Variants in SLC8A1 observed in about 807,000 individuals in gnomAD.
The protein encoded by SLC8A1 is sodium/calcium exchanger 1.
Under a neutral mutation model 68.3 loss-of-function variants are expected in SLC8A1, and 18 were observed. The ratio of observed to expected loss-of-function variants is 0.26; its 90% CI spans 0.18 to 0.39. SLC8A1 has a LOEUF of 0.39. Ranked by LOEUF, SLC8A1 falls within the 10% of genes least tolerant of loss-of-function variation. The pLI is 1.00. For synonymous variants in SLC8A1, 475 were observed against 415.5 expected, an observed-to-expected ratio of 1.14 and a Z score of -1.74; for missense variants, 985 against 1,156.7, an observed-to-expected ratio of 0.85 and a Z score of 2.15.
chr2:40,402,042 G>T (rs1367786400), intron 2 of SLC8A1, among the ~76,000 whole-genome samples: 1 of 152,182 alleles, frequency 6.6e-6, no homozygotes, highest in Non-Finnish European at 1.5e-5. Flanking sequence ...GAGACCTACA[G>T]AGCTGCATTC....
intron 2 of SLC8A1, among the ~76,000 whole-genome samples, chr2:40,375,833 C>G (rs1360505292): frequency 6.6e-6 from 1 of 151,946 alleles, no homozygotes; most frequent in Non-Finnish European, 1.5e-5. Context: ...GGAAACCCTG[C>G]CTCTATAAAA....
chr2:40,188,672 G>C (rs2051167975), intron 2 of SLC8A1, among the ~76,000 whole-genome samples: 1 of 152,184 alleles, frequency 6.6e-6, no homozygotes, highest in Non-Finnish European at 1.5e-5. Flanking sequence ...ACAGCAGCTA[G>C]AATATGCTGA....
intron 2 of SLC8A1, among the ~76,000 whole-genome samples, chr2:40,184,582 T>C (rs1231634802): frequency 1.3e-5 from 2 of 152,156 alleles, no homozygotes; most frequent in Non-Finnish European, 2.9e-5. Context: ...CGATACGTTT[T>C]TACACAACAG....
intron 7 of SLC8A1, 99 bp downstream of exon 10, chr2:40,139,302 G>C: frequency 7.4e-7 from 1 of 1,346,484 alleles, no homozygotes; most frequent in Non-Finnish European, 1.0e-6. Context: ...CATAGGTCTT[G>C]GTTTGTTATC....
At chr2:40,140,805 A>T (rs559055737) in intron 6 of SLC8A1, among the ~76,000 whole-genome samples, 1 of 149,874 alleles carries the variant, frequency 6.7e-6, no homozygotes, top group African/African-American at 2.5e-5. Flanking sequence ...AGAAATTTCT[A>T]TTGACTTTAT....
chr2:40,454,396 T>G (rs1467422368), upstream of SLC8A1, among the ~76,000 whole-genome samples: 1 of 152,176 alleles, frequency 6.6e-6, no homozygotes, highest in Non-Finnish European at 1.5e-5. Flanking sequence ...TCTTGAAATT[T>G]TAGGCATGTT....
At chr2:40,202,057 C>G (rs892441648) in intron 2 of SLC8A1, among the ~76,000 whole-genome samples, 1 of 151,910 alleles carries the variant, frequency 6.6e-6, no homozygotes, top group Non-Finnish European at 1.5e-5. Context: ...TGTGTGCACC[C>G]TAGACCTTTT....
At chr2:40,312,521 G>GT (rs1406375310) in intron 2 of SLC8A1, among the ~76,000 whole-genome samples, 1 of 151,988 alleles carries the variant, frequency 6.6e-6, no homozygotes, top group African/African-American at 2.4e-5. Context: ...AGTATAAAGG[G>GT]TTTTAGATAA....
chr2:40,114,552 A>T (rs72558070), exon 8 of SLC8A1: 3 of 152,712 alleles, frequency 2.0e-5, no homozygotes, highest in Admixed American at 2.0e-4. Flanking sequence ...TTTTCCTTGT[A>T]CCTGTTAAAC....
At chr2:40,161,907 G>T (rs992215704) in intron 5 of SLC8A1, among the ~76,000 whole-genome samples, 6 of 152,158 alleles carry the variant, frequency 3.9e-5, no homozygotes, top group African/African-American at 1.4e-4. Flanking sequence ...GTACTTGAGT[G>T]GACTATGGTT....
chr2:40,246,404 G>A (rs1342884832), intron 2 of SLC8A1, among the ~76,000 whole-genome samples: 1 of 152,146 alleles, frequency 6.6e-6, no homozygotes, highest in Non-Finnish European at 1.5e-5. Flanking sequence ...TTTTTTTCTT[G>A]AGTTTTACTT....
Position 40,139,390 on chromosome 2 carries a change from GTAATT to G in SLC8A1, c.2437+6_2437+10del. 1 of 1,613,442 alleles carries G rather than the reference GTAATT, an allele frequency of 6.2e-7. No individual in the cohort carries two copies. Among genetic ancestry groups the G allele is most frequent in the Non-Finnish European group, 8.5e-7 (1 of 1,179,496 alleles). On this transcript the variant is annotated splice_donor_region_variant and intron_variant, in intron 7 of 7. Transcript: ENST00000406785. Reference sequence around the variant, plus strand: ...GCTACTGGGGGAATTATACATGAATGTAATTTGTACCTGGCACTGATGTTCCAAGT... The same window carrying G: ...GCTACTGGGGGAATTATACATGAATGTGTACCTGGCACTGATGTTCCAAGT...
chr2:40,380,743 GGAT>G (rs1328243804), intron 2 of SLC8A1, among the ~76,000 whole-genome samples: 1 of 152,176 alleles, frequency 6.6e-6, no homozygotes, highest in African/African-American at 2.4e-5. Context: ...GGTCCACACT[GGAT>G]CTGAGGGGGC....
intron 2 of SLC8A1, among the ~76,000 whole-genome samples, chr2:40,414,479 A>C (rs1418044561): frequency 1.3e-5 from 2 of 152,100 alleles, no homozygotes; most frequent in African/African-American, 4.8e-5. Context: ...CTCAGTAATT[A>C]TTTTACTTAA....
exon 8 of SLC8A1, chr2:40,104,393 T>G (rs2125034593): frequency 6.6e-6 from 1 of 152,314 alleles, no homozygotes; most frequent in Admixed American, 6.5e-5. Context: ...TATATCAAAC[T>G]TACACAGGTC....
intron 2 of SLC8A1, among the ~76,000 whole-genome samples, chr2:40,228,547 C>T (rs1260888335): frequency 6.6e-6 from 1 of 152,162 alleles, no homozygotes. Flanking sequence ...TGCTGTGGGA[C>T]CTGGCATTGG....
intron 1 of SLC8A1, among the ~76,000 whole-genome samples, chr2:40,481,492 T>C (rs960672349): frequency 4.6e-5 from 7 of 152,206 alleles, no homozygotes; most frequent in African/African-American, 1.7e-4. Flanking sequence ...TACAGAACTG[T>C]TGTAAGAATG....
At chr2:40,202,288 C>T (rs1339681800) in intron 2 of SLC8A1, among the ~76,000 whole-genome samples, 2 of 151,976 alleles carry the variant, frequency 1.3e-5, no homozygotes, top group Non-Finnish European at 2.9e-5. Context: ...AAATCTTGCT[C>T]AATCCTTTTA....
intron 1 of SLC8A1, among the ~76,000 whole-genome samples, chr2:40,475,000 T>A (rs1704192536): frequency 6.6e-6 from 1 of 152,224 alleles, no homozygotes; most frequent in African/African-American, 2.4e-5. Flanking sequence ...TCGAGGTTAC[T>A]AATATGTCTT....
Sources: allele counts gnomAD v4.1 joint callset (sites outside exome capture counted in the v4.1 genomes callset), GRCh38; gene constraint gnomAD v4.1.1; transcripts MANE v1.5; gene names NCBI Gene and HGNC (gene_info 2026-07-23, HGNC 2026-07-21).